The following RSPH10B2 variants were observed in gnomAD, a reference collection of about 807,000 sequenced individuals.
RSPH10B2 encodes the protein radial spoke head 10 homolog B2.
RSPH10B2 carries 9 observed loss-of-function variants against 49.0 expected under a neutral mutation model. The observed-to-expected ratio is 0.18, with a 90% CI of 0.11 to 0.32. The LOEUF is 0.32. RSPH10B2 is among the 10% of genes least tolerant of loss of function. The probability of loss-of-function intolerance (pLI) is 1.00; values close to 1 mark genes in which losing one functional copy is unlikely to be tolerated. For missense variants in RSPH10B2, 95 were observed against 589.9 expected, an observed-to-expected ratio of 0.16 and a Z score of 8.69; for synonymous variants, 35 against 210.2, an observed-to-expected ratio of 0.17 and a Z score of 7.21.
chr7:6,795,964 G>A (rs1782538785), intron 17 of RSPH10B2, among the ~76,000 whole-genome samples: 1 of 146,244 alleles, frequency 6.8e-6, no homozygotes, highest in African/African-American at 2.5e-5. Flanking sequence ...AGAGAAACGA[G>A]TTTTTTTATT....
At chr7:6,764,708 T>TTGTG (rs372144067) in intron 4 of RSPH10B2, among the ~76,000 whole-genome samples, 16 of 147,536 alleles carry the variant, frequency 1.1e-4, no homozygotes, top group Non-Finnish European at 1.4e-4. Context: ...GTTGTTGTTG[T>TTGTG]TGTGTGTGTG....
chr7:6,790,993 G>A (rs1782291374), intron 16 of RSPH10B2, among the ~76,000 whole-genome samples: 1 of 92,464 alleles, frequency 1.1e-5, no homozygotes, highest in Non-Finnish European at 2.0e-5. Flanking sequence ...ATCTAAGTAT[G>A]GTTAAATTTT....
At chr7:6,756,127 A>G (rs1361692395), upstream of RSPH10B2, among the ~76,000 whole-genome samples, 12 of 146,700 alleles carry the variant, frequency 8.2e-5, no homozygotes, top group South Asian at 4.3e-4. Flanking sequence ...AGAATTAGCC[A>G]GGTGTGGTGG....
At chr7:6,797,176 T>G (rs1782612014) in intron 18 of RSPH10B2, among the ~76,000 whole-genome samples, 1 of 142,924 alleles carries the variant, frequency 7.0e-6, no homozygotes, top group African/African-American at 2.5e-5. Context: ...GCCTGGCTAA[T>G]TTTTGTATTT....
At chr7:6,785,592 G>C (rs1782128529) in intron 13 of RSPH10B2, among the ~76,000 whole-genome samples, 1 of 152,016 alleles carries the variant, frequency 6.6e-6, no homozygotes, top group South Asian at 2.1e-4. Flanking sequence ...GGAGGCCGAG[G>C]CAGGCGGCTC....
chr7:6,752,335 TTGAATGGTTC>T (rs1455963847), upstream of RSPH10B2, among the ~76,000 whole-genome samples: 1 of 137,882 alleles, frequency 7.3e-6, no homozygotes, highest in East Asian at 2.1e-4. Flanking sequence ...GTTACTGGCC[TTGAATGGTTC>T]TGGGAATATA....
At position 6,758,463 on chromosome 7, in the gene RSPH10B2, A is replaced by G. The variant is rs533810384; in HGVS notation, c.254+532A>G. On this transcript the variant is annotated intron_variant, in intron 1 of 18. Coordinates refer to ENST00000297186, the Ensembl canonical transcript of RSPH10B2. The stretch of plus-strand genomic sequence containing the variant: ...TATATAGAGTTTATTGTGGTGAAAC[A>G]TATAACAAAATGTACTATCTTAATT... Among the ~76,000 whole-genome samples the G allele has an allele frequency of 7.7e-4, 110 of 142,624 alleles. 2 individuals carry two copies. Among genetic ancestry groups the G allele is most frequent in the Middle Eastern group, 3.6e-3 (1 of 274 alleles). The allele number at this position is 142,624 out of a possible 152,430, so 93.6% of individuals were successfully genotyped here. A position where few individuals can be genotyped will look rare whatever the true frequency, so the allele number is the denominator to read the frequency against.
chr7:6,797,866 TACACAC>T lies in RSPH10B2; in HGVS notation c.2433-480_2433-475del, dbSNP rs753716997. ...AGACCCTATCTCAAAAAAAAAAAAA[TACACAC>T]ACACACACACACACACGTAACTTTG... On this transcript the variant is annotated intron_variant, in intron 18 of 18. Coordinates refer to ENST00000297186, the Ensembl canonical transcript of RSPH10B2. 9.4e-4 allele frequency among the ~76,000 whole-genome samples: 62 copies of T among 65,732 alleles called. 9 individuals carry two copies. Among genetic ancestry groups the T allele is most frequent in the African/African-American group, 2.7e-3 (36 of 13,390 alleles). 43.1% of individuals were successfully genotyped at this position (65,732 alleles called of 152,430 possible). A position where few individuals can be genotyped will look rare whatever the true frequency, so the allele number is the denominator to read the frequency against.
chr7:6,795,737 GA>G (rs1238640485), intron 17 of RSPH10B2, among the ~76,000 whole-genome samples: 1 of 146,698 alleles, frequency 6.8e-6, no homozygotes, highest in Non-Finnish European at 1.5e-5. Context: ...CTCCAGCCTG[GA>G]TGACAGAGCA....
At position 6,782,776 on chromosome 7, in the gene RSPH10B2, C is replaced by T. The variant is rs1781991449; in HGVS notation, c.1758+1300C>T. Among the ~76,000 whole-genome samples, 4 of 115,096 alleles carry T rather than the reference C, an allele frequency of 3.5e-5. 2 individuals carry two copies. The highest frequency in any genetic ancestry group is 7.1e-5 in the Non-Finnish European group (4 of 56,208). The allele number at this position is 115,096 out of a possible 152,430, so 75.5% of individuals were successfully genotyped here. Reference sequence around the variant, plus strand: ...CCAGAGCCTGTAATCCCAGCCACTTCGGAGGCTGAGGCAGGAGAATTGCTT... The same window carrying T: ...CCAGAGCCTGTAATCCCAGCCACTTTGGAGGCTGAGGCAGGAGAATTGCTT... On this transcript the variant is annotated intron_variant, in intron 13 of 18. Transcript: ENST00000297186.
At chr7:6,766,996 T>C in intron 6 of RSPH10B2, 119 bp downstream of exon 8, 1 of 1,001,256 alleles carries the variant, frequency 1.0e-6, no homozygotes, top group Non-Finnish European at 1.4e-6. Flanking sequence ...AGTCTCTCTC[T>C]GTCTGTCTCC....
rs1172639895 is a variant in RSPH10B2, at chr7:6,797,913, TG to T, written c.2433-448del. Among the ~76,000 whole-genome samples, 120 of 94,168 alleles carry T rather than the reference TG, an allele frequency of 1.3e-3. 9 individuals carry two copies. The highest frequency in any genetic ancestry group is 1.9e-3 in the Non-Finnish European group (94 of 50,052). The allele number at this position is 94,168 out of a possible 152,430, so 61.8% of individuals were successfully genotyped here. On this transcript the variant is annotated intron_variant, in intron 18 of 18. Coordinates refer to ENST00000297186, the Ensembl canonical transcript of RSPH10B2. ...CGTAACTTTGGGAGGCCAAGGTGGG[TG>T]GATCACCTGAGGTCAGGAGTTTGAG...
At chr7:6,797,758 G>A (rs1782654166) in intron 18 of RSPH10B2, among the ~76,000 whole-genome samples, 1 of 144,996 alleles carries the variant, frequency 6.9e-6, no homozygotes, top group African/African-American at 2.6e-5. Context: ...TGGAGACTGA[G>A]GCAGGAGGAT....
At chr7:6,776,336 G>A (rs1394787455) in intron 9 of RSPH10B2, 21 bp from the exon 12 acceptor site, 2 of 12,646 alleles carry the variant, frequency 1.6e-4, no homozygotes, top group Admixed American at 6.8e-4. Flanking sequence ...CTTAATCCAC[G>A]TATGACTTTC....
intron 4 of RSPH10B2, among the ~76,000 whole-genome samples, chr7:6,764,500 A>G (rs1457622081): frequency 1.3e-5 from 2 of 150,436 alleles, no homozygotes; most frequent in African/African-American, 4.9e-5. Flanking sequence ...TGCTGGGACT[A>G]CAGGTGTGCA....
At chr7:6,791,479 C>T (rs1242675810) in intron 16 of RSPH10B2, among the ~76,000 whole-genome samples, 1 of 146,068 alleles carries the variant, frequency 6.8e-6, no homozygotes, top group Admixed American at 6.9e-5. Flanking sequence ...TGTGGTGGCT[C>T]ACACCTGTAA....
chr7:6,783,433 A>G (rs1782017668), intron 13 of RSPH10B2, among the ~76,000 whole-genome samples: 1 of 137,018 alleles, frequency 7.3e-6, no homozygotes, highest in African/African-American at 2.8e-5. Context: ...TGTTGTATAC[A>G]TATGAAAAAT....
Position 6,781,569 on chromosome 7 carries a change from T to A in RSPH10B2, c.1758+93T>A, listed in dbSNP as rs2711183. ...GATATTCCAGCTGTGATATGCAAAT[T>A]ATCAGGTGAAGATCTGGGCTGGGTT... is the stretch of plus-strand genomic sequence containing the variant. On this transcript the variant is annotated intron_variant, in intron 13 of 18. Transcript: ENST00000297186. 118 of 1,233,874 alleles carry A rather than the reference T, an allele frequency of 9.6e-5. 18 individuals carry two copies. The highest frequency in any genetic ancestry group is 7.5e-4 in the Middle Eastern group (3 of 4,002). The allele number at this position is 1,233,874 out of a possible 1,614,324, so 76.4% of individuals were successfully genotyped here.
chr7:6,770,504 G>C (rs1200349210), intron 7 of RSPH10B2, among the ~76,000 whole-genome samples: 1 of 127,474 alleles, frequency 7.8e-6, no homozygotes, highest in Non-Finnish European at 1.7e-5. Context: ...CCAGCCACTC[G>C]GGAGGCTGAG....
Sources: gnomAD v4.1 joint callset for allele counts (sites outside exome capture counted in the v4.1 genomes callset) on GRCh38, gnomAD v4.1.1 for gene constraint, MANE v1.5 for transcripts, NCBI Gene and HGNC (gene_info 2026-07-23, HGNC 2026-07-21) for gene names.